JAK1: variants seen among roughly 807,000 people sequenced by gnomAD.
JAK1 encodes Janus kinase 1.
In JAK1, 16 loss-of-function variants were observed where a neutral mutation model predicts 136.6. The observed-to-expected ratio is 0.12, with a 90% confidence interval of 0.08 to 0.18. JAK1 has a LOEUF of 0.18. Ranked by LOEUF, JAK1 falls within the 10% of genes least tolerant of loss-of-function variation. The pLI is 1.00. For synonymous variants in JAK1, 492 were observed against 519.5 expected, an observed-to-expected ratio of 0.95 and a Z score of 0.72; for missense variants, 859 against 1,450.1, an observed-to-expected ratio of 0.59 and a Z score of 6.62.
intron 1 of JAK1, among the ~76,000 whole-genome samples, chr1:65,056,598 C>G (rs1275697801): frequency 1.3e-5 from 2 of 152,144 alleles, no homozygotes; most frequent in African/African-American, 4.8e-5. Context: ...GTTGGCAGGG[C>G]TGATAGTAGG....
At chr1:64,872,938 A>G (rs1657162235) in intron 5 of JAK1, among the ~76,000 whole-genome samples, 1 of 152,052 alleles carries the variant, frequency 6.6e-6, no homozygotes, top group Admixed American at 6.5e-5. Flanking sequence ...TCTAGCGTCT[A>G]ATCTTTCTAT....
intron 2 of JAK1, among the ~76,000 whole-genome samples, chr1:65,036,699 C>A (rs1647077968): frequency 6.6e-6 from 1 of 152,116 alleles, no homozygotes; most frequent in Non-Finnish European, 1.5e-5. Context: ...GCTGTGTATG[C>A]AAAAATATCT....
At chr1:64,985,568 G>C in intron 2 of JAK1, 6 of 1,131,868 alleles carry the variant, frequency 5.3e-6, no homozygotes, top group Non-Finnish European at 7.8e-6. Context: ...ACCCCAGGAT[G>C]AATTCCAGAT....
At chr1:64,868,210 A>G (rs1015379097) in intron 6 of JAK1, among the ~76,000 whole-genome samples, 7 of 152,154 alleles carry the variant, frequency 4.6e-5, no homozygotes, top group African/African-American at 1.7e-4. Context: ...AAGCTGATAT[A>G]CTGCTAGAAC....
At chr1:64,837,212 A>G (rs967336382) in intron 22 of JAK1, among the ~76,000 whole-genome samples, 5 of 152,172 alleles carry the variant, frequency 3.3e-5, no homozygotes, top group African/African-American at 1.2e-4. Flanking sequence ...CTTGTTCACC[A>G]TATCTCCAGT....
chr1:64,837,182 TA>T (rs1245167350), intron 22 of JAK1, among the ~76,000 whole-genome samples: 1 of 152,228 alleles, frequency 6.6e-6, no homozygotes, highest in Non-Finnish European at 1.5e-5. Flanking sequence ...CCTAGCCTGT[TA>T]AACTCTAAAC....
At chr1:64,907,557 G>C (rs888818213) in intron 1 of JAK1, among the ~76,000 whole-genome samples, 3 of 152,146 alleles carry the variant, frequency 2.0e-5, no homozygotes, top group Non-Finnish European at 4.4e-5. Context: ...GGTGGGAGGA[G>C]GGAGAGGATC....
intron 8 of JAK1, among the ~76,000 whole-genome samples, chr1:64,864,361 T>C (rs1358716438): frequency 1.3e-5 from 2 of 152,234 alleles, no homozygotes; most frequent in Non-Finnish European, 2.9e-5. Flanking sequence ...CCTGACACCA[T>C]ATCGATGACT....
chr1:64,937,541 A>G (rs898033359), intron 1 of JAK1, among the ~76,000 whole-genome samples: 1 of 152,256 alleles, frequency 6.6e-6, no homozygotes, highest in East Asian at 1.9e-4. Context: ...AACTTCAATT[A>G]TACAACACAG....
intron 1 of JAK1, among the ~76,000 whole-genome samples, chr1:64,891,685 G>A (rs938208658): frequency 5.9e-5 from 9 of 152,228 alleles, no homozygotes; most frequent in Admixed American, 2.6e-4. Context: ...ATGCTGAGAC[G>A]TGGAATAACA....
intron 1 of JAK1, chr1:65,057,971 T>C (rs1050938185): frequency 2.6e-5 from 4 of 153,998 alleles, no homozygotes; most frequent in African/African-American, 9.7e-5. Context: ...AGTAAGCTGG[T>C]CTACAATGAT....
intron 2 of JAK1, chr1:64,986,108 TG>T (rs1014152271): frequency 1.1e-4 from 91 of 833,952 alleles, no homozygotes; most frequent in South Asian, 2.1e-4. Flanking sequence ...TCAATCTAAT[TG>T]TTTTTTTTTT....
At chr1:64,849,098 C>T (rs1655423625) in intron 12 of JAK1, among the ~76,000 whole-genome samples, 2 of 152,156 alleles carry the variant, frequency 1.3e-5, no homozygotes, top group African/African-American at 4.8e-5. Context: ...TCTGCAGGGA[C>T]CCACAAAGGC....
Position 64,985,155 on chromosome 1 carries a change from A to G in JAK1, c.-78+59325T>C, listed in dbSNP as rs573129233. 194 of 1,334,804 alleles carry G rather than the reference A, an allele frequency of 1.5e-4. No individual in the cohort carries two copies. The African/African-American group carries it at 2.1e-3, about 15-fold the overall frequency. The allele number at this position is 1,334,804 out of a possible 1,614,324, so 82.7% of individuals were successfully genotyped here. On this transcript the variant is annotated intron_variant, in intron 2 of 25. Coordinates refer to the JAK1 transcript ENST00000671954. The stretch of plus-strand genomic sequence containing the variant: ...GGAAACTATAGTGAAGATAGTATTA[A>G]CCACACCCACACCAATGGTGACACA...
chr1:64,923,969 A>G (rs1005583511), intron 1 of JAK1, among the ~76,000 whole-genome samples: 1 of 152,222 alleles, frequency 6.6e-6, no homozygotes, highest in Non-Finnish European at 1.5e-5. Flanking sequence ...AAAGAATTTA[A>G]AGATATCTGT....
intron 2 of JAK1, among the ~76,000 whole-genome samples, chr1:65,037,094 G>C (rs1244251170): frequency 6.6e-6 from 1 of 152,140 alleles, no homozygotes; most frequent in Non-Finnish European, 1.5e-5. Flanking sequence ...GCTGAGGTGG[G>C]AGGATCACTT....
intron 1 of JAK1, among the ~76,000 whole-genome samples, chr1:64,935,371 C>T (rs1201137972): frequency 6.6e-6 from 1 of 152,210 alleles, no homozygotes; most frequent in Non-Finnish European, 1.5e-5. Flanking sequence ...GTGATCAGGG[C>T]TCACTGCAAC....
At chr1:64,933,761 C>A (rs1487424561) in intron 1 of JAK1, among the ~76,000 whole-genome samples, 1 of 152,178 alleles carries the variant, frequency 6.6e-6, no homozygotes, top group Non-Finnish European at 1.5e-5. Flanking sequence ...ATTTCTGGCA[C>A]CACAAAATGC....
chr1:64,912,747 A>T (rs1039658289), intron 1 of JAK1, among the ~76,000 whole-genome samples: 3 of 152,192 alleles, frequency 2.0e-5, no homozygotes, highest in African/African-American at 7.2e-5. Flanking sequence ...CTGAAAGGTA[A>T]ACCACTTCTT....
Sources: gnomAD v4.1 joint callset for allele counts (sites outside exome capture counted in the v4.1 genomes callset) on GRCh38, gnomAD v4.1.1 for gene constraint, MANE v1.5 for transcripts, NCBI Gene and HGNC (gene_info 2026-07-23, HGNC 2026-07-21) for gene names.